Variants in ASTN1 observed in about 807,000 individuals in gnomAD.
The protein encoded by ASTN1 is astrotactin-1.
ASTN1 carries 41 observed loss-of-function variants against 140.7 expected under a neutral mutation model. The observed-to-expected ratio is 0.29, with a 90% CI of 0.23 to 0.38. The LOEUF is 0.38. Among genes scored for constraint, ASTN1 ranks in the 10% least tolerant of loss-of-function variants. The pLI, the probability that ASTN1 is intolerant of heterozygous loss-of-function variation, is 1.00. For synonymous variants in ASTN1, 640 were observed against 652.2 expected, an observed-to-expected ratio of 0.98 and a Z score of 0.29; for missense variants, 1,479 against 1,678.8, an observed-to-expected ratio of 0.88 and a Z score of 2.08.
chr1:177,031,951 G>T lies in ASTN1; in HGVS notation c.865+505C>A, dbSNP rs760186551. Among the ~76,000 whole-genome samples, 88 of 152,278 alleles carry T rather than the reference G, an allele frequency of 5.8e-4. No homozygotes were observed. The Middle Eastern group carries it at 0.017, about 29-fold the overall frequency. On this transcript the variant is annotated intron_variant, in intron 3 of 22. Transcript: ENST00000361833. ...GCAATCCTTCATTTTCTTTGAAGAA[G>T]TGCATCCCTTGTAGAGAGCACAGAG...
At chr1:177,082,096 T>C (rs951621570) in intron 1 of ASTN1, among the ~76,000 whole-genome samples, 4 of 152,124 alleles carry the variant, frequency 2.6e-5, no homozygotes, top group East Asian at 1.9e-4. Flanking sequence ...GATTGTCAGA[T>C]AGGAAAATTT....
At chr1:176,987,459 C>T (rs1166555708) in intron 8 of ASTN1, among the ~76,000 whole-genome samples, 1 of 152,164 alleles carries the variant, frequency 6.6e-6, no homozygotes, top group Non-Finnish European at 1.5e-5. Context: ...CATCCCCTCT[C>T]CTGCTTAAAA....
At chr1:177,053,950 C>T (rs1677669810) in intron 2 of ASTN1, among the ~76,000 whole-genome samples, 1 of 152,154 alleles carries the variant, frequency 6.6e-6, no homozygotes, top group Admixed American at 6.5e-5. Context: ...GGTCCTAGTG[C>T]TTGTAGCGTT....
At position 176,934,282 on chromosome 1, in the gene ASTN1, C is replaced by T. The variant is rs778977363; in HGVS notation, c.2541G>A (p.Ala847=). The T allele has an allele frequency of 2.0e-5, 32 of 1,613,796 alleles. No individual in the cohort carries two copies. Among genetic ancestry groups the T allele is most frequent in the Admixed American group, 1.2e-4 (7 of 59,984 alleles). The change falls in exon 16 of 23, where the codon GCG becomes GCA. Residue 847 remains alanine (A), a synonymous_variant. Transcript: ENST00000361833. ...DGATSRADFV[A]LLDQFGNHYI... ...AATGGTTGCCGAACTGGTCCAACAG[C>T]GCCACAAAATCTGCACGAGATGTAG...
chr1:176,918,148 G>A (rs528709966), intron 16 of ASTN1, among the ~76,000 whole-genome samples: 59 of 151,824 alleles, frequency 3.9e-4, no homozygotes, highest in Non-Finnish European at 6.3e-4. Flanking sequence ...CTGTTTCTTC[G>A]TAGTCTTCTT....
intron 1 of ASTN1, among the ~76,000 whole-genome samples, chr1:177,152,928 A>G (rs533545413): frequency 6.6e-6 from 1 of 152,304 alleles, no homozygotes; most frequent in South Asian, 2.1e-4. Context: ...ACCCAAATGT[A>G]TTATGGAATT....
intron 1 of ASTN1, among the ~76,000 whole-genome samples, chr1:177,141,671 C>A (rs1032972880): frequency 6.6e-6 from 1 of 152,184 alleles, no homozygotes; most frequent in Non-Finnish European, 1.5e-5. Context: ...CTTGACCATA[C>A]CTAAGCCACA....
At chr1:177,033,944 C>T (rs1676581282) in intron 2 of ASTN1, among the ~76,000 whole-genome samples, 1 of 152,148 alleles carries the variant, frequency 6.6e-6, no homozygotes, top group South Asian at 2.1e-4. Context: ...TCTCTATTCA[C>T]TCCCTTTATT....
At chr1:176,931,894 G>A (rs548304881) in intron 16 of ASTN1, among the ~76,000 whole-genome samples, 1 of 152,264 alleles carries the variant, frequency 6.6e-6, no homozygotes, top group African/African-American at 2.4e-5. Context: ...AGAGAGAAGG[G>A]GAGACTTTTA....
At chr1:177,051,084 A>G (rs1028104021) in intron 2 of ASTN1, among the ~76,000 whole-genome samples, 8 of 152,244 alleles carry the variant, frequency 5.3e-5, no homozygotes, top group Admixed American at 2.6e-4. Flanking sequence ...AGAGAAGCTA[A>G]TGTGCTTGCA....
At chr1:176,908,328 A>T (rs1463615304) in intron 16 of ASTN1, among the ~76,000 whole-genome samples, 1 of 152,186 alleles carries the variant, frequency 6.6e-6, no homozygotes, top group African/African-American at 2.4e-5. Context: ...GACATGGTCT[A>T]TAAGAAGACC....
At chr1:176,950,939 T>A (rs998032652) in intron 11 of ASTN1, among the ~76,000 whole-genome samples, 1 of 152,216 alleles carries the variant, frequency 6.6e-6, no homozygotes, top group African/African-American at 2.4e-5. Context: ...GCACCTTGTC[T>A]TAGTAGCCCA....
intron 1 of ASTN1, among the ~76,000 whole-genome samples, chr1:177,064,588 G>A (rs1278985558): frequency 2.6e-5 from 4 of 152,144 alleles, no homozygotes; most frequent in South Asian, 2.1e-4. Context: ...CTCTGGCCTC[G>A]GCTTCCAGGC....
chr1:176,932,151 T>G (rs1671234029), intron 16 of ASTN1, among the ~76,000 whole-genome samples: 1 of 152,190 alleles, frequency 6.6e-6, no homozygotes, highest in Non-Finnish European at 1.5e-5. Flanking sequence ...TAGTCATAGG[T>G]ACAGAAATAA....
chr1:177,024,539 C>T (rs761379774), intron 6 of ASTN1, 44 bp downstream of exon 6: 1 of 1,601,664 alleles, frequency 6.2e-7, no homozygotes, highest in African/African-American at 1.3e-5. Flanking sequence ...AGAAAACTTT[C>T]CTTTTTGGGG....
At chr1:176,873,858 T>A (rs1212986674) in intron 21 of ASTN1, among the ~76,000 whole-genome samples, 3 of 152,076 alleles carry the variant, frequency 2.0e-5, no homozygotes, top group Non-Finnish European at 2.9e-5. Context: ...GCAGAGCACA[T>A]CTTGATGTAC....
intron 1 of ASTN1, among the ~76,000 whole-genome samples, chr1:177,149,109 T>G (rs1015429735): frequency 3.0e-5 from 4 of 132,898 alleles, no homozygotes; most frequent in Non-Finnish European, 6.2e-5. Flanking sequence ...ATATATATAG[T>G]GTATATATAG....
At chr1:177,141,975 C>A (rs1333991536) in intron 1 of ASTN1, among the ~76,000 whole-genome samples, 1 of 152,180 alleles carries the variant, frequency 6.6e-6, no homozygotes, top group Non-Finnish European at 1.5e-5. Context: ...TAGTAGCTCC[C>A]ATCTGCCAAG....
intron 1 of ASTN1, among the ~76,000 whole-genome samples, chr1:177,123,513 G>A (rs541071760): frequency 5.3e-5 from 8 of 152,290 alleles, no homozygotes; most frequent in Admixed American, 4.6e-4. Flanking sequence ...CCTTGTTACA[G>A]ATGAGGCAGG....
Sources: gnomAD v4.1 joint callset for allele counts (sites outside exome capture counted in the v4.1 genomes callset) on GRCh38, gnomAD v4.1.1 for gene constraint, MANE v1.5 for transcripts, NCBI Gene and HGNC (gene_info 2026-07-23, HGNC 2026-07-21) for gene names.